Variants in AADACL3 observed in about 807,000 individuals in gnomAD.
The protein encoded by AADACL3 is arylacetamide deacetylase-like 3.
In AADACL3, 13 loss-of-function variants were observed where a neutral mutation model predicts 13.6. The ratio of observed to expected loss-of-function variants is 0.95; its 90% CI spans 0.62 to 1.52. The LOEUF (loss-of-function observed/expected upper bound fraction) is 1.52, where lower values mean the gene tolerates loss of function less well. Ranked by LOEUF, AADACL3 falls within the 40% of genes most tolerant of loss-of-function variation. AADACL3 has a pLI of 0.00. For synonymous variants in AADACL3, 195 were observed against 197.0 expected (o/e 0.99, Z 0.08); for missense variants, 519 against 499.2 (o/e 1.04, Z -0.38).
Position 12,728,714 on chromosome 1 carries a change from G to C in AADACL3, c.*2718G>C, listed in dbSNP as rs555967633. The C allele has an allele frequency of 6.6e-6, 1 of 152,306 alleles. No homozygotes were observed. The highest frequency in any genetic ancestry group is 2.4e-5 in the African/African-American group (1 of 41,460). 9.4% of individuals were successfully genotyped at this position (152,306 alleles called of 1,614,324 possible). On this transcript the variant is annotated 3_prime_UTR_variant, in exon 4 of 4. Transcript: ENST00000359318. ...GCTGCAGGTGGTGGTTGCTGAAGGTGGGGGAGGCTGTGGCAATTTCTTAAA... is the reference window on the plus strand; with the variant it reads ...GCTGCAGGTGGTGGTTGCTGAAGGTCGGGGAGGCTGTGGCAATTTCTTAAA...
intron 2 of AADACL3, among the ~76,000 whole-genome samples, chr1:12,720,549 C>G (rs1394971171): frequency 1.3e-5 from 2 of 152,094 alleles, no homozygotes; most frequent in South Asian, 2.1e-4. Context: ...TTGCTAGGCA[C>G]TATGTTAGCT....
intron 1 of AADACL3, 118 bp downstream of exon 1, chr1:12,716,462 A>G (rs1648437810): frequency 2.9e-6 from 4 of 1,384,838 alleles, no homozygotes; most frequent in African/African-American, 2.8e-5. Flanking sequence ...CTGCAGTGAC[A>G]GCTGATCAGA....
Position 12,726,435 on chromosome 1 carries a change from G to GA in AADACL3, c.*440dup, listed in dbSNP as rs1638371807. The GA allele has an allele frequency of 6.1e-6, 1 of 163,734 alleles. No homozygotes were observed. The highest frequency in any genetic ancestry group is 1.3e-5 in the Non-Finnish European group (1 of 75,506). The allele number at this position is 163,734 out of a possible 1,614,324, so 10.1% of individuals were successfully genotyped here. On this transcript the variant is annotated 3_prime_UTR_variant, in exon 4 of 4. Coordinates refer to ENST00000359318, the MANE Select transcript of AADACL3 (RefSeq NM_001103170.3). ...CTTTCCCAATGTGGCTCAGAGGCAG[G>GA]AGCTCTGATGCTCTGGGCTGCTGTG...
intron 2 of AADACL3, 95 bp downstream of exon 2, chr1:12,719,786 T>C (rs1039277670): frequency 7.7e-7 from 1 of 1,299,136 alleles, no homozygotes; most frequent in South Asian, 1.3e-5. Context: ...AAGTATGCTA[T>C]TATTATCAGG....
At chr1:12,719,443 T>A (rs774289955) in intron 1 of AADACL3, 32 bp from the exon 2 acceptor site, 3 of 1,599,120 alleles carry the variant, frequency 1.9e-6, no homozygotes, top group South Asian at 1.1e-5. Context: ...AAGAAACCCA[T>A]CTCGACCCAT....
chr1:12,725,767 T>A lies in AADACL3; in HGVS notation c.995T>A (p.Ile332Lys). The change falls in exon 4 of 4, where the codon ATA (isoleucine) becomes AAA (lysine). Residue 332 changes from isoleucine (I) to lysine (K), a missense_variant. Physicochemically the swap from Ile to Lys is moderately radical, Grantham distance 102 (BLOSUM62 -3). Transcript: ENST00000359318. ...TCGCCCCTGATTGCAGAAGATGACA[T>A]AGTGTCTCAGCTCCCGGAAACCTGC... is the stretch of plus-strand genomic sequence containing the variant. ...MCSPLIAEDD[I>K]VSQLPETCIV... The A allele has an allele frequency of 2.5e-6, 4 of 1,614,096 alleles. No homozygotes were observed. The highest frequency in any genetic ancestry group is 3.4e-6 in the Non-Finnish European group (4 of 1,180,004).
At chr1:12,721,835 T>A (rs1638267342) in intron 3 of AADACL3, among the ~76,000 whole-genome samples, 1 of 152,216 alleles carries the variant, frequency 6.6e-6, no homozygotes, top group Admixed American at 6.5e-5. Context: ...CCGCCCAGCC[T>A]GGAGCCTCAA....
chr1:12,717,597 G>A (rs944035278), intron 1 of AADACL3, among the ~76,000 whole-genome samples: 2 of 152,204 alleles, frequency 1.3e-5, no homozygotes, highest in African/African-American at 4.8e-5. Flanking sequence ...GGTGAGAGAG[G>A]TAAAGTTCCA....
chr1:12,719,417 C>T (rs747151765), intron 1 of AADACL3, 58 bp from the exon 2 acceptor site: 10 of 1,530,508 alleles, frequency 6.5e-6, no homozygotes, highest in Non-Finnish European at 9.0e-6. Flanking sequence ...GAAGGCCAGA[C>T]TCCAGATGGC....
intron 3 of AADACL3, among the ~76,000 whole-genome samples, chr1:12,721,769 GAAAAAC>G (rs1213205495): frequency 6.6e-6 from 1 of 152,164 alleles, no homozygotes; most frequent in South Asian, 2.1e-4. Flanking sequence ...AAGAAAGTGA[GAAAAAC>G]AAAAACAAAA....
intron 3 of AADACL3, among the ~76,000 whole-genome samples, chr1:12,721,344 C>T (rs1192402350): frequency 2.0e-5 from 3 of 152,004 alleles, no homozygotes; most frequent in South Asian, 2.1e-4. Context: ...TGCAGTGAGC[C>T]GTGATTGCGC....
intron 1 of AADACL3, 100 bp from the exon 2 acceptor site, chr1:12,719,375 A>C: frequency 8.7e-7 from 1 of 1,155,926 alleles, no homozygotes; most frequent in Non-Finnish European, 1.3e-6. Context: ...GTTTCCAAAA[A>C]CTCCTTTTGC....
intron 1 of AADACL3, among the ~76,000 whole-genome samples, chr1:12,717,346 A>G (rs1648459540): frequency 6.6e-6 from 1 of 152,158 alleles, no homozygotes; most frequent in African/African-American, 2.4e-5. Context: ...AGGCTCCCAA[A>G]TACAGTGACT....
intron 3 of AADACL3, among the ~76,000 whole-genome samples, chr1:12,722,113 G>C (rs539964322): frequency 6.6e-6 from 1 of 152,096 alleles, no homozygotes; most frequent in African/African-American, 2.4e-5. Context: ...GATCACTTGA[G>C]GCCAGGAGTT....
intron 2 of AADACL3, among the ~76,000 whole-genome samples, chr1:12,720,628 T>G (rs1204654521): frequency 6.6e-6 from 1 of 152,174 alleles, no homozygotes; most frequent in Non-Finnish European, 1.5e-5. Flanking sequence ...CCTAAACCTC[T>G]GCGTTCTACA....
intron 2 of AADACL3, 136 bp downstream of exon 2, chr1:12,719,827 C>T (rs186413561): frequency 3.7e-5 from 32 of 872,574 alleles, no homozygotes; most frequent in Non-Finnish European, 3.0e-5. Flanking sequence ...GTTTGCAGAT[C>T]ATTGAGGGGG....
Position 12,726,122 on chromosome 1 carries a change from C to T in AADACL3, c.*126C>T. ...GGGAGGGGGTAGAGGTTGCTGTCAC[C>T]TTTCTGGTCCAGGTTCTAGAACCAC... On this transcript the variant is annotated 3_prime_UTR_variant, in exon 4 of 4. Transcript: ENST00000359318. 9.4e-7 allele frequency: 1 copy of T among 1,062,052 alleles called. No individual in the cohort carries two copies. Among genetic ancestry groups the T allele is most frequent in the Admixed American group, 2.8e-5 (1 of 35,546 alleles). 65.8% of individuals were successfully genotyped at this position (1,062,052 alleles called of 1,614,324 possible). A position where few individuals can be genotyped will look rare whatever the true frequency, so the allele number is the denominator to read the frequency against.
intron 3 of AADACL3, among the ~76,000 whole-genome samples, chr1:12,722,470 A>G (rs907193428): frequency 3.3e-5 from 5 of 152,102 alleles, no homozygotes; most frequent in Non-Finnish European, 7.3e-5. Context: ...ACACCTTGTC[A>G]TTCTGATTGT....
rs890842650 is a variant in AADACL3, at chr1:12,725,920, T to C, written c.1148T>C (p.Ile383Thr). The stretch of plus-strand genomic sequence containing the variant: ...GGTTTCCATGGAGTGCTCAGGACCA[T>C]TGACATGAGCTTCTTGCACTTTCCC... The part of the protein sequence containing the change: ...EDGFHGVLRT[I>T]DMSFLHFPCS... The change falls in exon 4 of 4, where the codon ATT becomes ACT. Residue 383 changes from isoleucine (I) to threonine (T), a missense_variant. By Grantham distance (89) the Ile-to-Thr change is moderately conservative. Coordinates refer to ENST00000359318, the MANE Select transcript of AADACL3 (RefSeq NM_001103170.3). 1.9e-6 allele frequency: 3 copies of C among 1,614,168 alleles called. No individual in the cohort carries two copies. The highest frequency in any genetic ancestry group is 2.5e-6 in the Non-Finnish European group (3 of 1,180,010).
Sources: gnomAD v4.1 joint callset for allele counts (sites outside exome capture counted in the v4.1 genomes callset) on GRCh38, gnomAD v4.1.1 for gene constraint, MANE v1.5 for transcripts, NCBI Gene and HGNC (gene_info 2026-07-23, HGNC 2026-07-21) for gene names.